Variants in AUTS2 observed in about 807,000 individuals in gnomAD.
The protein encoded by AUTS2 is autism susceptibility gene 2 protein.
AUTS2 carries 17 observed loss-of-function variants against 112.4 expected under a neutral mutation model. The ratio of observed to expected loss-of-function variants is 0.15; its 90% CI spans 0.10 to 0.23. The LOEUF (loss-of-function observed/expected upper bound fraction) is 0.23. Ranked by LOEUF, AUTS2 falls within the 10% of genes least tolerant of loss-of-function variation. The pLI is 1.00. For synonymous variants in AUTS2, 751 were observed against 702.7 expected (o/e 1.07, Z -1.09); for missense variants, 1,510 against 1,701.6 (o/e 0.89, Z 1.98).
chr7:70,319,998 T>G (rs1391675074), intron 4 of AUTS2, among the ~76,000 whole-genome samples: 1 of 152,230 alleles, frequency 6.6e-6, no homozygotes, highest in Non-Finnish European at 1.5e-5. Flanking sequence ...TAGCTATGCA[T>G]TTTATACCAC....
At chr7:69,908,696 A>C (rs1795241663) in intron 2 of AUTS2, among the ~76,000 whole-genome samples, 1 of 152,198 alleles carries the variant, frequency 6.6e-6, no homozygotes. Flanking sequence ...CACTGTTTGC[A>C]CCTGCATTTG....
chr7:70,609,053 C>T (rs558735102), intron 5 of AUTS2, among the ~76,000 whole-genome samples: 3 of 152,232 alleles, frequency 2.0e-5, no homozygotes, highest in African/African-American at 2.4e-5. Context: ...AATTAACATA[C>T]GTATGACCTT....
chr7:70,272,145 G>A (rs1367671420), intron 4 of AUTS2, among the ~76,000 whole-genome samples: 2 of 151,714 alleles, frequency 1.3e-5, no homozygotes, highest in African/African-American at 4.8e-5. Context: ...CTGATGTTAT[G>A]TATGAAAGAG....
intron 4 of AUTS2, among the ~76,000 whole-genome samples, chr7:70,433,400 C>T (rs577861054): frequency 6.6e-6 from 1 of 152,318 alleles, no homozygotes; most frequent in South Asian, 2.1e-4. Flanking sequence ...GCCTTCCACA[C>T]CCCTCTTGAA....
At chr7:70,142,235 C>A (rs1401536064) in intron 4 of AUTS2, among the ~76,000 whole-genome samples, 1 of 152,210 alleles carries the variant, frequency 6.6e-6, no homozygotes, top group Non-Finnish European at 1.5e-5. Flanking sequence ...TAACCCCCAT[C>A]TCTGGCCCCT....
At chr7:70,257,297 C>T (rs991961167) in intron 4 of AUTS2, among the ~76,000 whole-genome samples, 1 of 152,122 alleles carries the variant, frequency 6.6e-6, no homozygotes, top group East Asian at 1.9e-4. Flanking sequence ...CACGCCACCA[C>T]ACCCAGTTCA....
rs569573846 is a variant in AUTS2, at chr7:69,864,046, A to G, written c.310-35240A>G. On this transcript the variant is annotated intron_variant, in intron 1 of 18. Coordinates refer to ENST00000342771, the MANE Select transcript of AUTS2 (RefSeq NM_015570.4). Reference sequence around the variant, plus strand: ...AGGGGTGGGAGTCTTAGTCCCAAGCAAAATAAATCACTGCTCCCATTAGAC... The same window carrying G: ...AGGGGTGGGAGTCTTAGTCCCAAGCGAAATAAATCACTGCTCCCATTAGAC... 3.3e-5 allele frequency among the ~76,000 whole-genome samples: 5 copies of G among 152,320 alleles called. No individual in the cohort carries two copies. The East Asian group carries it at 7.7e-4, about 24-fold the overall frequency.
chr7:70,712,614 ACT>A (rs2129550150), intron 6 of AUTS2, among the ~76,000 whole-genome samples: 1 of 152,156 alleles, frequency 6.6e-6, no homozygotes, highest in East Asian at 1.9e-4. Flanking sequence ...TAGAGTCACA[ACT>A]CTGTTTTCAC....
At chr7:69,760,747 G>C (rs1277375369) in intron 1 of AUTS2, among the ~76,000 whole-genome samples, 1 of 152,174 alleles carries the variant, frequency 6.6e-6, no homozygotes, top group Non-Finnish European at 1.5e-5. Flanking sequence ...TTGAACTTGG[G>C]AGGTGGAGGT....
chr7:70,300,022 G>T (rs879674451), intron 4 of AUTS2, among the ~76,000 whole-genome samples: 4 of 152,068 alleles, frequency 2.6e-5, no homozygotes, highest in Admixed American at 2.6e-4. Flanking sequence ...TATGTGGCAG[G>T]TCATTTTATA....
intron 5 of AUTS2, among the ~76,000 whole-genome samples, chr7:70,547,996 TCATTATGGTTGTA>T: frequency 6.6e-6 from 1 of 152,362 alleles, no homozygotes; most frequent in Non-Finnish European, 1.5e-5. Flanking sequence ...AAGTGGTATC[TCATTATGGTTGTA>T]GTTTGTATTT....
intron 4 of AUTS2, among the ~76,000 whole-genome samples, chr7:70,220,968 T>G (rs1811448594): frequency 6.6e-6 from 1 of 152,240 alleles, no homozygotes; most frequent in Admixed American, 6.5e-5. Flanking sequence ...GGTCTCGCTC[T>G]GTCACCCAGG....
intron 1 of AUTS2, among the ~76,000 whole-genome samples, chr7:69,758,135 G>A (rs1395800425): frequency 6.6e-6 from 1 of 152,218 alleles, no homozygotes; most frequent in East Asian, 1.9e-4. Flanking sequence ...TAATCATTGA[G>A]GTGCTGATCC....
chr7:70,085,271 G>A (rs1803537293), intron 2 of AUTS2, among the ~76,000 whole-genome samples: 1 of 151,910 alleles, frequency 6.6e-6, no homozygotes, highest in Non-Finnish European at 1.5e-5. Flanking sequence ...CTCTGGAAGG[G>A]TTACAGTTTT....
At chr7:69,894,286 T>A (rs1329388743) in intron 1 of AUTS2, among the ~76,000 whole-genome samples, 3 of 134,914 alleles carry the variant, frequency 2.2e-5, no homozygotes, top group Admixed American at 1.5e-4. Context: ...TTTAACAGAT[T>A]TCTTTCTTAT....
At position 70,284,373 on chromosome 7, in the gene AUTS2, G is replaced by T. The variant is rs372429871; in HGVS notation, c.660+149802G>T. 9.9e-5 allele frequency among the ~76,000 whole-genome samples: 15 copies of T among 152,126 alleles called. No homozygotes were observed. The East Asian group carries it at 1.6e-3, about 16-fold the overall frequency. ...CACACTTACCCAGTGATCATTTTAG[G>T]ATCAATTCCTAGCAATTTCTGGATT... On this transcript the variant is annotated intron_variant, in intron 4 of 18. Coordinates refer to ENST00000342771, the MANE Select transcript of AUTS2 (RefSeq NM_015570.4).
In AUTS2 at chr7:69,896,953, C is replaced by T. The variant is rs76886196; in HGVS notation, c.310-2333C>T. Among the ~76,000 whole-genome samples the T allele has an allele frequency of 2.2e-3, 335 of 152,298 alleles. 1 individual carries two copies. Among genetic ancestry groups the T allele is most frequent in the Middle Eastern group, 6.8e-3 (2 of 294 alleles). On this transcript the variant is annotated intron_variant, in intron 1 of 18. Coordinates refer to ENST00000342771, the MANE Select transcript of AUTS2 (RefSeq NM_015570.4). ...TTAGCACCCATAACCTATCCTTTAGCGTTGTTAACTCAGTTTGCAATGATA... is the reference window on the plus strand; with the variant it reads ...TTAGCACCCATAACCTATCCTTTAGTGTTGTTAACTCAGTTTGCAATGATA...
chr7:70,595,520 G>A (rs576289529), intron 5 of AUTS2, among the ~76,000 whole-genome samples: 15 of 150,384 alleles, frequency 1.0e-4, no homozygotes, highest in African/African-American at 3.0e-4. Context: ...GTATTCCTGG[G>A]AATGCCCCTG....
chr7:70,387,265 C>T (rs1030783777), intron 4 of AUTS2, among the ~76,000 whole-genome samples: 1 of 152,168 alleles, frequency 6.6e-6, no homozygotes, highest in Non-Finnish European at 1.5e-5. Context: ...AGAAATGTCT[C>T]TCCTTGTAGT....
Sources: gnomAD v4.1 joint callset for allele counts (sites outside exome capture counted in the v4.1 genomes callset) on GRCh38, gnomAD v4.1.1 for gene constraint, MANE v1.5 for transcripts, NCBI Gene and HGNC (gene_info 2026-07-23, HGNC 2026-07-21) for gene names.